The following KLF9 variants were observed in gnomAD, a reference collection of about 807,000 sequenced individuals.
KLF9 encodes Krueppel-like factor 9.
KLF9 carries 2 observed loss-of-function variants against 17.3 expected under a neutral mutation model. The observed-to-expected ratio is 0.12, with a 90% CI of 0.05 to 0.36. KLF9 has a LOEUF of 0.36. KLF9 is among the 10% of genes least tolerant of loss of function. The probability of loss-of-function intolerance (pLI) is 1.00; values close to 1 mark genes in which losing one functional copy is unlikely to be tolerated. For missense variants in KLF9, 226 were observed against 333.2 expected, an observed-to-expected ratio of 0.68 and a Z score of 2.51; for synonymous variants, 138 against 139.2, an observed-to-expected ratio of 0.99 and a Z score of 0.06.
rs1294788895 is a variant in KLF9, at chr9:70,409,128, A to G, written c.505+3731T>C. Among the ~76,000 whole-genome samples the G allele has an allele frequency of 2.9e-4, 22 of 75,790 alleles. 2 individuals are homozygous for G. Among genetic ancestry groups the G allele is most frequent in the Non-Finnish European group, 7.2e-4 (21 of 29,214 alleles). 49.7% of individuals were successfully genotyped at this position (75,790 alleles called of 152,430 possible). A position where few individuals can be genotyped will look rare whatever the true frequency, so the allele number is the denominator to read the frequency against. ...TGTATATATATACATATATGTATAT[A>G]TGTATACATATATATGTATATGTAT... On this transcript the variant is annotated intron_variant, in intron 1 of 1. Coordinates refer to ENST00000377126, the MANE Select transcript of KLF9 (RefSeq NM_001206.4).
rs1278949209 is a variant in KLF9, at chr9:70,409,148, A to ATATGTG, written c.505+3710_505+3711insCACATA. Among the ~76,000 whole-genome samples, 35 of 61,208 alleles carry ATATGTG rather than the reference A, an allele frequency of 5.7e-4. 1 individual carries two copies. Among genetic ancestry groups the ATATGTG allele is most frequent in the South Asian group, 1.8e-3 (3 of 1,714 alleles). The allele number at this position is 61,208 out of a possible 152,430, so 40.2% of individuals were successfully genotyped here. A position where few individuals can be genotyped will look rare whatever the true frequency, so the allele number is the denominator to read the frequency against. ...TATATATGTATACATATATATGTAT[A>ATATGTG]TGTATATATATACACATATATGTAT... On this transcript the variant is annotated intron_variant, in intron 1 of 1. Coordinates refer to ENST00000377126, the MANE Select transcript of KLF9 (RefSeq NM_001206.4).
chr9:70,391,864 G>A (rs1324390303), intron 1 of KLF9, among the ~76,000 whole-genome samples: 2 of 152,240 alleles, frequency 1.3e-5, no homozygotes, highest in Non-Finnish European at 2.9e-5. Context: ...TCTGCATATA[G>A]TTTTATTGGA....
At chr9:70,412,811 A>G in intron 1 of KLF9, 48 bp downstream of exon 1, 1 of 1,517,842 alleles carries the variant, frequency 6.6e-7, no homozygotes, top group Non-Finnish European at 8.8e-7. Context: ...TGCCTGGCCA[A>G]AGGTTAACTA....
chr9:70,408,680 A>T (rs1426142493), intron 1 of KLF9, among the ~76,000 whole-genome samples: 17 of 151,982 alleles, frequency 1.1e-4, no homozygotes, highest in Non-Finnish European at 2.9e-5. Flanking sequence ...CAAACAGTTG[A>T]CTCCAAAACC....
chr9:70,408,281 A>G (rs534130820), intron 1 of KLF9, among the ~76,000 whole-genome samples: 1 of 152,310 alleles, frequency 6.6e-6, no homozygotes, highest in African/African-American at 2.4e-5. Context: ...AGGCTGAGGC[A>G]GGAGGATCAG....
intron 1 of KLF9, among the ~76,000 whole-genome samples, chr9:70,400,554 A>G (rs190796011): frequency 9.7e-4 from 147 of 152,320 alleles, no homozygotes; most frequent in African/African-American, 3.5e-3. Flanking sequence ...AGACCCTGAA[A>G]TGCCAAGAAA....
intron 1 of KLF9, among the ~76,000 whole-genome samples, chr9:70,395,073 T>C (rs1165271730): frequency 1.3e-5 from 2 of 152,308 alleles, no homozygotes; most frequent in African/African-American, 4.8e-5. Flanking sequence ...ATACTAGTTA[T>C]TAAAATGGAT....
chr9:70,413,271 C>A lies in KLF9; in HGVS notation c.93G>T (p.Pro31=). The change falls in exon 1 of 2, where the codon CCG becomes CCT. Residue 31 remains proline (P), a synonymous_variant. Transcript: ENST00000377126. This position sits in a 1 kb window ranked among gnomAD's most constrained non-coding sequence, Gnocchi z 5.6. ...CAGGTAGTCGCAGCCGCTCGGCGTC[C>A]GGAGCGACCCCATGCTCCGGCACCG... ...RAAVPEHGVA[P]DAERLRLPER... is the part of the protein sequence containing the mutation. 1 of 1,613,250 alleles carries A rather than the reference C, an allele frequency of 6.2e-7. No homozygotes were observed. Among genetic ancestry groups the A allele is most frequent in the South Asian group, 1.1e-5 (1 of 91,060 alleles).
In KLF9 at chr9:70,385,627, C is replaced by T. The variant is rs545597636; in HGVS notation, c.*2149G>A. 2.0e-5 allele frequency: 3 copies of T among 152,708 alleles called. No homozygotes were observed. The highest frequency in any genetic ancestry group is 4.8e-5 in the African/African-American group (2 of 41,560). The allele number at this position is 152,708 out of a possible 1,614,324, so 9.5% of individuals were successfully genotyped here. A position where few individuals can be genotyped will look rare whatever the true frequency, so the allele number is the denominator to read the frequency against. On this transcript the variant is annotated 3_prime_UTR_variant, in exon 2 of 2. Coordinates refer to ENST00000377126, the MANE Select transcript of KLF9 (RefSeq NM_001206.4). ...GCAAGTTGCTAGGCAACCCCAAACTCCTCACTCACTAAAAGGCAGCGTGCA... is the reference window on the plus strand; with the variant it reads ...GCAAGTTGCTAGGCAACCCCAAACTTCTCACTCACTAAAAGGCAGCGTGCA...
In KLF9 at chr9:70,387,587, G is replaced by C; in HGVS notation, c.*189C>G. On this transcript the variant is annotated 3_prime_UTR_variant, in exon 2 of 2. Transcript: ENST00000377126. Reference sequence around the variant, plus strand: ...AAGGGGACCGAGTGTTGTTGACTTTGATCTTAGGCTACAATGTGCTTTTTA... The same window carrying C: ...AAGGGGACCGAGTGTTGTTGACTTTCATCTTAGGCTACAATGTGCTTTTTA... The C allele has an allele frequency of 3.4e-6, 2 of 596,402 alleles. No homozygotes were observed. The highest frequency in any genetic ancestry group is 4.0e-5 in the South Asian group (2 of 49,746). The allele number at this position is 596,402 out of a possible 1,614,324, so 36.9% of individuals were successfully genotyped here.
At chr9:70,398,899 TCTTGG>T (rs1450536975) in intron 1 of KLF9, among the ~76,000 whole-genome samples, 3 of 152,240 alleles carry the variant, frequency 2.0e-5, no homozygotes, top group African/African-American at 7.2e-5. Flanking sequence ...AGTGACGTGA[TCTTGG>T]CTCACTGCAG....
intron 1 of KLF9, among the ~76,000 whole-genome samples, chr9:70,388,748 T>C (rs1466520671): frequency 6.6e-6 from 1 of 152,210 alleles, no homozygotes; most frequent in Non-Finnish European, 1.5e-5. Flanking sequence ...CCACTCAGCA[T>C]CTGGTTGTTC....
At chr9:70,404,503 G>A (rs1043951751) in intron 1 of KLF9, among the ~76,000 whole-genome samples, 2 of 152,028 alleles carry the variant, frequency 1.3e-5, no homozygotes, top group East Asian at 3.9e-4. Context: ...GCTTGAGTAG[G>A]GGGTAGGGGG....
intron 1 of KLF9, among the ~76,000 whole-genome samples, chr9:70,401,817 C>T (rs1006865664): frequency 7.3e-5 from 11 of 151,698 alleles, no homozygotes; most frequent in Admixed American, 2.6e-4. Context: ...GAGTTTGAGA[C>T]CAGCCTGGCC....
intron 1 of KLF9, among the ~76,000 whole-genome samples, chr9:70,409,211 T>C (rs547065799): frequency 4.2e-4 from 54 of 128,056 alleles, no homozygotes; most frequent in East Asian, 1.2e-3. Context: ...TATATATATA[T>C]ACATATATGT....
In KLF9 at chr9:70,413,210, C is replaced by A; in HGVS notation, c.154G>T (p.Asp52Tyr). 1 of 1,614,094 alleles carries A rather than the reference C, an allele frequency of 6.2e-7. No homozygotes were observed. Among genetic ancestry groups the A allele is most frequent in the Non-Finnish European group, 8.5e-7 (1 of 1,180,036 alleles). ...AGTGTGCAGTAATCCTTCCAGGTGT[C>A]CCCCGGGTCACCGTGCTCCTTGGTC... is the stretch of plus-strand genomic sequence containing the variant. The part of the protein sequence containing the change: ...EVTKEHGDPG[D>Y]TWKDYCTLVT... Residue 52 changes from aspartate to tyrosine, a missense_variant, in exon 1 of 2, where the codon GAC (aspartate) becomes TAC (tyrosine). By Grantham distance (160) the Asp-to-Tyr change is radical. Coordinates refer to ENST00000377126, the MANE Select transcript of KLF9 (RefSeq NM_001206.4). This position sits in a 1 kb window ranked among gnomAD's most constrained non-coding sequence, Gnocchi z 5.6.
chr9:70,394,734 A>T (rs2037173306), intron 1 of KLF9, among the ~76,000 whole-genome samples: 1 of 152,242 alleles, frequency 6.6e-6, no homozygotes, highest in African/African-American at 2.4e-5. Context: ...GTAACTGTAC[A>T]AAAGAGCACT....
At chr9:70,410,298 T>C (rs1178015824) in intron 1 of KLF9, among the ~76,000 whole-genome samples, 1 of 152,238 alleles carries the variant, frequency 6.6e-6, no homozygotes, top group Non-Finnish European at 1.5e-5. Flanking sequence ...TTATAAACCC[T>C]GTGTTGGCCA....
At chr9:70,398,438 A>G (rs1359444628) in intron 1 of KLF9, among the ~76,000 whole-genome samples, 2 of 152,198 alleles carry the variant, frequency 1.3e-5, no homozygotes, top group Non-Finnish European at 2.9e-5. Flanking sequence ...TATCTGTGAG[A>G]CAGCACATGC....
Sources: allele counts gnomAD v4.1 joint callset (sites outside exome capture counted in the v4.1 genomes callset), GRCh38; gene constraint gnomAD v4.1.1; non-coding constraint Gnocchi (gnomAD v3.1); transcripts MANE v1.5; gene names NCBI Gene and HGNC (gene_info 2026-07-23, HGNC 2026-07-21).